POU5F1B: variants seen among roughly 807,000 people sequenced by gnomAD.
POU5F1B encodes the protein POU class 5 homeobox 1B.
In POU5F1B, 24 loss-of-function variants were observed where a neutral mutation model predicts 28.1. The ratio of observed to expected loss-of-function variants is 0.85; its 90% CI spans 0.62 to 1.20. The LOEUF (loss-of-function observed/expected upper bound fraction) is 1.20. Among genes scored for constraint, POU5F1B ranks in the 50% most tolerant of loss-of-function variants. The pLI is 0.00. For synonymous variants in POU5F1B, 220 were observed against 193.2 expected (o/e 1.14, Z -1.15); for missense variants, 451 against 451.5 (o/e 1.00, Z 0.01).
chr8:127,415,016 C>A, exon 2 of POU5F1B: 1 of 152,334 alleles, frequency 6.6e-6, no homozygotes, highest in East Asian at 1.9e-4. Flanking sequence ...CCTTTGCCAA[C>A]AGCCAAGTAA....
chr8:127,416,240 A>T, exon 3 of POU5F1B: 2 of 1,613,858 alleles, frequency 1.2e-6, no homozygotes, highest in Non-Finnish European at 1.7e-6. Flanking sequence ...GTGAAGCTGG[A>T]GAAGGAGAAG....
Position 127,416,356 on chromosome 8 carries a change from C to T in POU5F1B, c.490C>T (p.Gln164Ter), listed in dbSNP as rs757047532. The T allele has an allele frequency of 6.2e-7, 1 of 1,611,454 alleles. No individual in the cohort carries two copies. The highest frequency in any genetic ancestry group is 8.5e-7 in the Non-Finnish European group (1 of 1,178,574). The change falls in exon 3 of 3, where the codon CAG (glutamine) becomes TAG (stop). Residue 164 changes from glutamine (Q) to a stop codon, truncating the protein, a stop_gained. Coordinates refer to ENST00000465342, the Ensembl canonical transcript of POU5F1B. LOFTEE classifies it high-confidence loss of function. ...GAAGAGGATCACCCTGGGATATACA[C>T]AGGCCGATGTGGGGCTCATCCTGGG... is the stretch of plus-strand genomic sequence containing the variant.
At chr8:127,416,970 G>A in exon 3 of POU5F1B, 1 of 1,591,686 alleles carries the variant, frequency 6.3e-7, no homozygotes, top group East Asian at 2.3e-5. Flanking sequence ...CTAGGAATGG[G>A]GAACAGGGGA....
intron 1 of POU5F1B, chr8:127,414,877 C>G (rs757212914): frequency 6.6e-6 from 1 of 152,372 alleles, no homozygotes; most frequent in East Asian, 1.9e-4. Context: ...TCCCTGCTCT[C>G]TCTTTCTTAG....
chr8:127,415,658 A>C (rs1304295165), exon 3 of POU5F1B: 14 of 777,372 alleles, frequency 1.8e-5, no homozygotes, highest in Non-Finnish European at 2.5e-5. Flanking sequence ...GAAGATAATA[A>C]TTGTCAATTC....
intron 2 of POU5F1B, chr8:127,415,034 A>AT (rs1198288241): frequency 6.6e-6 from 1 of 152,312 alleles, no homozygotes; most frequent in Non-Finnish European, 1.5e-5. Flanking sequence ...TAAGTGAGAC[A>AT]TTTTGGAAAG....
At position 127,416,547 on chromosome 8, in the gene POU5F1B, G is replaced by T; in HGVS notation, c.681G>T (p.Met227Ile). Residue 227 changes from methionine (M) to isoleucine (I), a missense_variant, in exon 3 of 3, where the codon ATG becomes ATT. By Grantham distance (10) the Met-to-Ile change is conservative. Around this residue, in one of 3 missense-constraint regions of POU5F1B, gnomAD observed 213 missense variants for 220.4 expected, o/e 0.97. Transcript: ENST00000465342. ...AGATATGCAAAGCAGAAACCCTCAT[G>T]CAGGCCCGAAAGAGAAAGCGAACCA... 1.9e-6 allele frequency: 3 copies of T among 1,608,254 alleles called. No individual in the cohort carries two copies. In the South Asian group the frequency reaches 3.3e-5, roughly 18 times the overall value.
exon 3 of POU5F1B, chr8:127,416,652 C>T (rs1202389521): frequency 6.2e-6 from 10 of 1,601,482 alleles, no homozygotes; most frequent in Middle Eastern, 1.6e-4. Flanking sequence ...TCAGCCACAT[C>T]GCCCAGCAGC....
In POU5F1B at chr8:127,416,805, G is replaced by C. The variant is rs374138216; in HGVS notation, c.939G>C (p.Pro313=). The change falls in exon 3 of 3, where the codon CCG becomes CCC. Residue 313 remains proline, a synonymous_variant. Coordinates refer to ENST00000465342, the Ensembl canonical transcript of POU5F1B. ...CAGGGGGACCAGTGTCCTTTCCTCC[G>C]GCCCCAGGGCCCCATTTTGGTACCC... The C allele has an allele frequency of 1.9e-6, 3 of 1,604,992 alleles. No individual in the cohort carries two copies. In the African/African-American group the frequency reaches 4.0e-5, roughly 21 times the overall value.
chr8:127,416,749 G>C (rs1256369041), exon 3 of POU5F1B: 1 of 1,608,202 alleles, frequency 6.2e-7, no homozygotes, highest in East Asian at 2.2e-5. Flanking sequence ...TGCACAACGA[G>C]AGGATTTTGA....
chr8:127,416,447 T>G (rs1311668573), exon 3 of POU5F1B: 3 of 1,608,788 alleles, frequency 1.9e-6, no homozygotes, highest in Non-Finnish European at 2.5e-6. Context: ...CAGCTTAGCT[T>G]CAAGAACATG....
chr8:127,414,653 T>G (rs2130624399), intron 1 of POU5F1B, among the ~76,000 whole-genome samples: 1 of 152,336 alleles, frequency 6.6e-6, no homozygotes, highest in Non-Finnish European at 1.5e-5. Flanking sequence ...GAAATGGACA[T>G]CCAATATTTG....
intron 1 of POU5F1B, among the ~76,000 whole-genome samples, chr8:127,413,718 G>C (rs1361738723): frequency 6.6e-6 from 1 of 152,208 alleles, no homozygotes; most frequent in Non-Finnish European, 1.5e-5. Context: ...CTTACCAGCT[G>C]TGAGGCTTAG....
At chr8:127,416,741 C>T (rs1446624427) in exon 3 of POU5F1B, 2 of 1,609,178 alleles carry the variant, frequency 1.2e-6, no homozygotes, top group Non-Finnish European at 1.7e-6. Flanking sequence ...AGCGACTATG[C>T]ACAACGAGAG....
At chr8:127,415,708 T>C in exon 3 of POU5F1B, 5 of 1,226,286 alleles carry the variant, frequency 4.1e-6, no homozygotes, top group Non-Finnish European at 5.4e-6. Context: ...TTTGAAGAGT[T>C]CCTAACACAT....
Position 127,415,712 on chromosome 8 carries a change from A to T in POU5F1B, c.-155A>T. 4.0e-6 allele frequency: 5 copies of T among 1,261,062 alleles called. No individual in the cohort carries two copies. The East Asian group carries it at 1.3e-4, about 34-fold the overall frequency. 78.1% of individuals were successfully genotyped at this position (1,261,062 alleles called of 1,614,324 possible). Reference sequence around the variant, plus strand: ...AAGAGATTACTTTTGAAGAGTTCCTAACACATTCAGTCAACATTTAATGAT... The same window carrying T: ...AAGAGATTACTTTTGAAGAGTTCCTTACACATTCAGTCAACATTTAATGAT... On this transcript the variant is annotated 5_prime_UTR_variant, in exon 3 of 3. Coordinates refer to ENST00000465342, the Ensembl canonical transcript of POU5F1B.
exon 3 of POU5F1B, chr8:127,416,156 G>C: frequency 6.2e-7 from 1 of 1,613,850 alleles, no homozygotes; most frequent in South Asian, 1.1e-5. Context: ...CAGCCTGAGA[G>C]CGAAGCAGGA....
intron 1 of POU5F1B, among the ~76,000 whole-genome samples, chr8:127,414,284 T>G (rs1272522303): frequency 6.6e-6 from 1 of 152,186 alleles, no homozygotes; most frequent in Non-Finnish European, 1.5e-5. Context: ...GATGGCCCCA[T>G]GGAGAAACTG....
At chr8:127,416,073 A>G in exon 3 of POU5F1B, 3 of 1,612,446 alleles carry the variant, frequency 1.9e-6, no homozygotes, top group Non-Finnish European at 2.5e-6. Context: ...CGTATGAGTT[A>G]TGTGGGGGGA....
Sources: allele counts gnomAD v4.1 joint callset (sites outside exome capture counted in the v4.1 genomes callset), GRCh38; gene constraint gnomAD v4.1.1; regional missense constraint gnomAD v4.1.1; transcripts MANE v1.5; gene names NCBI Gene and HGNC (gene_info 2026-07-23, HGNC 2026-07-21).